NSUN7: variants seen among roughly 807,000 people sequenced by gnomAD.
NSUN7 encodes protein NSUN7.
NSUN7 carries 39 observed loss-of-function variants against 58.5 expected under a neutral mutation model. The ratio of observed to expected loss-of-function variants is 0.67; its 90% CI spans 0.52 to 0.87. The LOEUF (loss-of-function observed/expected upper bound fraction) is 0.87. Ranked by LOEUF, NSUN7 falls within the 40% of genes least tolerant of loss-of-function variation. The pLI is 0.00. For synonymous variants in NSUN7, 278 were observed against 303.7 expected (o/e 0.92, Z 0.88); for missense variants, 765 against 844.1 (o/e 0.91, Z 1.16).
At chr4:40,779,207 A>T (rs1357014737) in intron 7 of NSUN7, among the ~76,000 whole-genome samples, 2 of 152,118 alleles carry the variant, frequency 1.3e-5, no homozygotes, top group African/African-American at 4.8e-5. Context: ...CTGTAGTCCT[A>T]GCTACTCAGG....
intron 7 of NSUN7, among the ~76,000 whole-genome samples, chr4:40,780,097 A>G (rs1279452722): frequency 6.6e-6 from 1 of 152,168 alleles, no homozygotes; most frequent in Non-Finnish European, 1.5e-5. Flanking sequence ...CCCGACCAGC[A>G]TGGTGAAACC....
chr4:40,760,845 A>C (rs1741423379), intron 3 of NSUN7, among the ~76,000 whole-genome samples: 1 of 149,906 alleles, frequency 6.7e-6, no homozygotes, highest in South Asian at 2.1e-4. Context: ...CTAGACAACA[A>C]GAGTGAAACT....
intron 4 of NSUN7, among the ~76,000 whole-genome samples, chr4:40,770,008 G>A (rs530335113): frequency 2.0e-5 from 3 of 152,200 alleles, no homozygotes; most frequent in Admixed American, 6.5e-5. Context: ...TCGGGAGTTC[G>A]AGACCAGCCT....
intron 10 of NSUN7, among the ~76,000 whole-genome samples, chr4:40,800,756 A>G (rs2154289238): frequency 6.6e-6 from 1 of 152,358 alleles, no homozygotes; most frequent in East Asian, 1.9e-4. Flanking sequence ...ATTATATTAC[A>G]TATGTGTTTT....
chr4:40,794,604 T>A, intron 9 of NSUN7, 128 bp downstream of exon 9: 1 of 528,624 alleles, frequency 1.9e-6, no homozygotes, highest in Admixed American at 3.8e-5. Context: ...ACATTCAGTC[T>A]TACTGCCTTC....
intron 7 of NSUN7, among the ~76,000 whole-genome samples, chr4:40,779,327 G>C (rs1336659338): frequency 3.3e-5 from 5 of 152,116 alleles, no homozygotes; most frequent in Non-Finnish European, 7.4e-5. Flanking sequence ...GTCTCTGCCA[G>C]GCACTGTGGC....
intron 7 of NSUN7, chr4:40,786,030 A>T: frequency 8.0e-6 from 12 of 1,505,736 alleles, no homozygotes; most frequent in Non-Finnish European, 9.8e-6. Flanking sequence ...AGTCAGTCTT[A>T]TAGCTGGATC....
chr4:40,759,384 G>A (rs1560545836), intron 2 of NSUN7, among the ~76,000 whole-genome samples: 2 of 152,184 alleles, frequency 1.3e-5, no homozygotes, highest in South Asian at 4.1e-4. Context: ...GTACCAAAAA[G>A]AACACTCGTG....
intron 2 of NSUN7, among the ~76,000 whole-genome samples, chr4:40,753,722 C>G (rs972041242): frequency 8.5e-5 from 13 of 152,100 alleles, no homozygotes; most frequent in African/African-American, 2.9e-4. Context: ...GTGTCCCCAC[C>G]CAAATCTCAT....
chr4:40,774,688 A>G, intron 5 of NSUN7, 79 bp from the exon 6 acceptor site: 1 of 905,748 alleles, frequency 1.1e-6, no homozygotes, highest in Non-Finnish European at 1.7e-6. Flanking sequence ...TTTCTTTGTT[A>G]CAGGAAAAAG....
At chr4:40,780,792 C>CATATATATAT (rs765088042) in intron 7 of NSUN7, among the ~76,000 whole-genome samples, 1 of 98,758 alleles carries the variant, frequency 1.0e-5, no homozygotes, top group African/African-American at 4.0e-5. Context: ...CACACATACA[C>CATATATATAT]ATATATATAT....
chr4:40,802,782 TC>T (rs1364547181), intron 10 of NSUN7, among the ~76,000 whole-genome samples: 3 of 124,288 alleles, frequency 2.4e-5, no homozygotes, highest in Non-Finnish European at 3.5e-5. Context: ...TGCATTCTAT[TC>T]TTTTTTTTTT....
chr4:40,770,105 G>A (rs1045340357), intron 4 of NSUN7, among the ~76,000 whole-genome samples: 3 of 151,760 alleles, frequency 2.0e-5, no homozygotes, highest in Admixed American at 6.6e-5. Flanking sequence ...ACCTACTTGG[G>A]AGGATGAGGC....
chr4:40,774,223 G>T, intron 4 of NSUN7, 42 bp from the exon 5 acceptor site: 1 of 1,570,038 alleles, frequency 6.4e-7, no homozygotes, highest in Non-Finnish European at 8.8e-7. Flanking sequence ...TGATAGTCTT[G>T]TCTCAAATGC....
intron 7 of NSUN7, 37 bp downstream of exon 7, chr4:40,776,296 T>C: frequency 7.1e-7 from 1 of 1,402,802 alleles, no homozygotes; most frequent in Non-Finnish European, 9.7e-7. Context: ...TGATTATTGT[T>C]CTGCAAGATT....
At chr4:40,802,100 T>A (rs1208289741) in intron 10 of NSUN7, among the ~76,000 whole-genome samples, 6 of 152,164 alleles carry the variant, frequency 3.9e-5, no homozygotes, top group Non-Finnish European at 8.8e-5. Context: ...TTGAGTTTTC[T>A]GCTGTTTATT....
Position 40,794,472 on chromosome 4 carries a change from G to A in NSUN7, c.1278G>A (p.Met426Ile). The A allele has an allele frequency of 1.3e-6, 2 of 1,595,780 alleles. No individual in the cohort carries two copies. The highest frequency in any genetic ancestry group is 1.7e-6 in the Non-Finnish European group (2 of 1,164,800). ...AGTATGAACAGCTAACACATGCAAT[G>A]AAATGTAAGGTTGTCATAGGCACCA... ...QQQYEQLTHA[M>I]KFTKAQAVVY... The change falls in exon 9 of 12, where the codon ATG becomes ATA. Residue 426 changes from methionine to isoleucine, a missense_variant. Physicochemically the swap from Met to Ile is conservative, Grantham distance 10. Coordinates refer to ENST00000381782, the MANE Select transcript of NSUN7 (RefSeq NM_024677.6).
At chr4:40,808,174 C>G in intron 11 of NSUN7, 133 bp from the exon 12 acceptor site, 1 of 1,075,994 alleles carries the variant, frequency 9.3e-7, no homozygotes, top group Non-Finnish European at 1.3e-6. Flanking sequence ...GGACTAAGGC[C>G]TAAAAACTAT....
intron 4 of NSUN7, among the ~76,000 whole-genome samples, chr4:40,772,627 G>C (rs1742065732): frequency 6.6e-6 from 1 of 152,090 alleles, no homozygotes; most frequent in Non-Finnish European, 1.5e-5. Flanking sequence ...GAGTAGATAA[G>C]AAATGTAGAA....
Sources: allele counts gnomAD v4.1 joint callset (sites outside exome capture counted in the v4.1 genomes callset), GRCh38; gene constraint gnomAD v4.1.1; transcripts MANE v1.5; gene names NCBI Gene and HGNC (gene_info 2026-07-23, HGNC 2026-07-21).